Variants in DIAPH1 observed in about 807,000 individuals in gnomAD.
The protein encoded by DIAPH1 is diaphanous related formin 1, also known as protein diaphanous homolog 1.
A neutral mutation model predicts 140.7 loss-of-function variants in DIAPH1; 46 were observed. That is an observed-to-expected ratio of 0.33 (90% CI 0.26 to 0.42). The LOEUF (loss-of-function observed/expected upper bound fraction) is 0.42, where lower values mean the gene tolerates loss of function less well. DIAPH1 is among the 10% of genes least tolerant of loss of function. The pLI, the probability that DIAPH1 is intolerant of heterozygous loss-of-function variation, is 1.00. For missense variants in DIAPH1, 1,310 were observed against 1,558.7 expected (o/e 0.84, Z 2.69); for synonymous variants, 565 against 551.6 (o/e 1.02, Z -0.34).
At chr5:141,533,134 G>C (rs2099888494) in intron 19 of DIAPH1, among the ~76,000 whole-genome samples, 1 of 152,112 alleles carries the variant, frequency 6.6e-6, no homozygotes, top group Admixed American at 6.6e-5. Flanking sequence ...TTCTCATTTG[G>C]ATAAACAGGG....
chr5:141,610,370 G>A (rs904598026), intron 1 of DIAPH1, among the ~76,000 whole-genome samples: 1 of 151,832 alleles, frequency 6.6e-6, no homozygotes, highest in Non-Finnish European at 1.5e-5. Flanking sequence ...GCACAACCTC[G>A]GCTCACTGCA....
At chr5:141,598,833 A>G (rs1247815970) in intron 1 of DIAPH1, among the ~76,000 whole-genome samples, 1 of 152,322 alleles carries the variant, frequency 6.6e-6, no homozygotes, top group Admixed American at 6.5e-5. Context: ...CTTATTTTGC[A>G]TATCTGGATT....
intron 1 of DIAPH1, among the ~76,000 whole-genome samples, chr5:141,606,194 T>G (rs2154597211): frequency 6.6e-6 from 1 of 152,310 alleles, no homozygotes; most frequent in African/African-American, 2.4e-5. Flanking sequence ...CTGCCACTAG[T>G]ACTTTTTGTG....
At chr5:141,527,782 A>T in intron 23 of DIAPH1, 85 bp from the exon 24 acceptor site, 2 of 1,447,768 alleles carry the variant, frequency 1.4e-6, no homozygotes, top group Admixed American at 2.4e-5. Flanking sequence ...CCTTAGTTTC[A>T]CCTTTCAGAG....
rs533657134 is a variant in DIAPH1, at chr5:141,571,627, T to A, written c.2474-191A>T. 3.9e-5 allele frequency among the ~76,000 whole-genome samples: 6 copies of A among 152,336 alleles called. No homozygotes were observed. In the South Asian group the frequency reaches 1.2e-3, roughly 32 times the overall value. On this transcript the variant is annotated intron_variant, in intron 17 of 27. Transcript: ENST00000389054. ...ACTGCACCTTAAGGCAGTGCCAGAA[T>A]CTGTTCAAAAGTATCAAAATGGGCC...
intron 18 of DIAPH1, among the ~76,000 whole-genome samples, chr5:141,552,456 C>T (rs2099891845): frequency 6.6e-6 from 1 of 152,112 alleles, no homozygotes; most frequent in Non-Finnish European, 1.5e-5. Context: ...TGCTATGCTG[C>T]TGGCTTTAAA....
intron 1 of DIAPH1, among the ~76,000 whole-genome samples, chr5:141,608,846 A>G (rs77287018): frequency 0.025 from 3,748 of 152,322 alleles, 63 homozygotes; most frequent in South Asian, 0.03. Flanking sequence ...TAAGAATACC[A>G]AACGTCAAAT....
At position 141,520,946 on chromosome 5, in the gene DIAPH1, G is replaced by A. The variant is rs574987880; in HGVS notation, c.3661+3197C>T. On this transcript the variant is annotated intron_variant, in intron 27 of 27. Coordinates refer to ENST00000389054, the MANE Select transcript of DIAPH1 (RefSeq NM_005219.5). Reference sequence around the variant, plus strand: ...GATGGAGTCTCATTCTGTCACCCAGGCTGAAGTGCAGTGGCGCAATCTCGG... The same window carrying A: ...GATGGAGTCTCATTCTGTCACCCAGACTGAAGTGCAGTGGCGCAATCTCGG... Among the ~76,000 whole-genome samples, 4 of 152,248 alleles carry A rather than the reference G, an allele frequency of 2.6e-5. No homozygotes were observed. In the South Asian group the frequency reaches 8.3e-4, roughly 32 times the overall value.
intron 1 of DIAPH1, among the ~76,000 whole-genome samples, chr5:141,606,227 A>C (rs2099900932): frequency 6.6e-6 from 1 of 152,096 alleles, no homozygotes. Context: ...TACCCTGAGG[A>C]CTTGAAAACT....
At chr5:141,577,325 G>T in intron 12 of DIAPH1, 150 bp downstream of exon 12, 1 of 729,036 alleles carries the variant, frequency 1.4e-6, no homozygotes, top group Non-Finnish European at 2.5e-6. Flanking sequence ...AAAGAAATAA[G>T]ACAACTTCCT....
At chr5:141,523,003 G>A (rs1163045925) in intron 27 of DIAPH1, among the ~76,000 whole-genome samples, 2 of 152,204 alleles carry the variant, frequency 1.3e-5, no homozygotes, top group Non-Finnish European at 2.9e-5. Context: ...AGTGATGGCT[G>A]TTGTTGGGCC....
intron 1 of DIAPH1, chr5:141,618,562 G>A (rs1056000234): frequency 4.8e-5 from 21 of 438,516 alleles, no homozygotes; most frequent in Middle Eastern, 6.2e-4. Flanking sequence ...GAATGTAAGG[G>A]CTGGGGAACG....
chr5:141,517,653 G>A (rs1458072505), intron 27 of DIAPH1, among the ~76,000 whole-genome samples: 1 of 152,028 alleles, frequency 6.6e-6, no homozygotes, highest in East Asian at 1.9e-4. Flanking sequence ...TACAAGGTGT[G>A]TAGAGTATGT....
At chr5:141,554,051 G>A (rs1345125362) in intron 18 of DIAPH1, among the ~76,000 whole-genome samples, 1 of 152,138 alleles carries the variant, frequency 6.6e-6, no homozygotes, top group Admixed American at 6.5e-5. Flanking sequence ...GGCTGAGGCG[G>A]GCAGATCACC....
At chr5:141,597,842 C>T (rs187893980) in intron 1 of DIAPH1, among the ~76,000 whole-genome samples, 10 of 152,328 alleles carry the variant, frequency 6.6e-5, no homozygotes, top group Admixed American at 4.6e-4. Context: ...GTCAAGGATA[C>T]TCATTCCCAC....
intron 18 of DIAPH1, among the ~76,000 whole-genome samples, chr5:141,548,379 T>C (rs1170476195): frequency 2.0e-5 from 3 of 150,070 alleles, no homozygotes; most frequent in Admixed American, 6.7e-5. Flanking sequence ...TGAACTAATA[T>C]AGTAAAGGGA....
chr5:141,556,353 T>C (rs2099892576), intron 18 of DIAPH1, among the ~76,000 whole-genome samples: 1 of 152,198 alleles, frequency 6.6e-6, no homozygotes, highest in African/African-American at 2.4e-5. Context: ...AGAATCACCA[T>C]AGGGATGCAG....
intron 18 of DIAPH1, among the ~76,000 whole-genome samples, chr5:141,559,537 G>A (rs191976052): frequency 6.6e-6 from 1 of 152,310 alleles, no homozygotes; most frequent in African/African-American, 2.4e-5. Context: ...TTATAAAGAA[G>A]GGGACAGATA....
intron 26 of DIAPH1, chr5:141,524,869 A>C (rs1000051509): frequency 6.4e-6 from 1 of 157,088 alleles, no homozygotes; most frequent in Non-Finnish European, 1.4e-5. Context: ...TGCCAGATCC[A>C]AGGCTGGGGC....
Sources: gnomAD v4.1 joint callset for allele counts (sites outside exome capture counted in the v4.1 genomes callset) on GRCh38, gnomAD v4.1.1 for gene constraint, MANE v1.5 for transcripts, NCBI Gene and HGNC (gene_info 2026-07-23, HGNC 2026-07-21) for gene names.